BRCC3: variants seen among roughly 807,000 people sequenced by gnomAD.
BRCC3 encodes lys-63-specific deubiquitinase BRCC36.
A neutral mutation model predicts 28.0 loss-of-function variants in BRCC3; 15 were observed. That is an observed-to-expected ratio of 0.54 (90% CI 0.36 to 0.82). The LOEUF (loss-of-function observed/expected upper bound fraction) is 0.82, where lower values mean the gene tolerates loss of function less well. Ranked by LOEUF, BRCC3 falls within the 40% of genes least tolerant of loss-of-function variation. The probability of loss-of-function intolerance (pLI) is 0.01; values close to 1 mark genes in which losing one functional copy is unlikely to be tolerated. For missense variants in BRCC3, 109 were observed against 225.9 expected, an observed-to-expected ratio of 0.48 and a Z score of 3.32; for synonymous variants, 66 against 80.3, an observed-to-expected ratio of 0.82 and a Z score of 0.95.
At chrX:155,090,962 A>G in intron 7 of BRCC3, 123 bp downstream of exon 7, 1 of 530,225 alleles carries the variant, frequency 1.9e-6, no homozygotes, top group South Asian at 3.1e-5. Flanking sequence ...TTTTATTTAT[A>G]CTCATTTACA....
chrX:155,104,694 T>C (rs1461402072), intron 7 of BRCC3, among the ~76,000 whole-genome samples: 4 of 113,082 alleles, frequency 3.5e-5, no homozygotes, highest in Non-Finnish European at 7.5e-5. Context: ...GGGGTTCTCC[T>C]TGTGCTTCAG....
intron 10 of BRCC3, 91 bp downstream of exon 10, chrX:155,120,259 C>A: frequency 4.5e-6 from 3 of 672,624 alleles, no homozygotes; most frequent in Admixed American, 5.5e-5. Context: ...AGTTATTTTT[C>A]ACATGCAATC....
Position 155,116,076 on chromosome X carries a change from C to G in BRCC3, c.568C>G (p.Pro190Ala). ...TCACAGGTATGAGAGAATCGAAATC[C>G]CAATCCATATTGTACCTCATGTCAC... ...KSSEYERIEIPIHIVPHVTIG... is the reference protein window; with the variant it reads ...KSSEYERIEIAIHIVPHVTIG... Residue 190 changes from proline to alanine, a missense_variant, in exon 8 of 11, where the codon CCA becomes GCA. Around this residue, in one of 3 missense-constraint regions of BRCC3, gnomAD observed 50 missense variants for 115.2 expected, o/e 0.43. Transcript: ENST00000330045. 1 of 1,208,319 alleles carries G rather than the reference C, an allele frequency of 8.3e-7. No homozygotes were observed. Among genetic ancestry groups the G allele is most frequent in the Non-Finnish European group, 1.1e-6 (1 of 893,846 alleles).
chrX:155,085,226 C>G (rs1223354983), intron 5 of BRCC3, among the ~76,000 whole-genome samples: 4 of 112,440 alleles, frequency 3.6e-5, no homozygotes, highest in African/African-American at 9.7e-5. Context: ...AAGAGAATGT[C>G]TATTTCAGGC....
chrX:155,119,806 C>T (rs2074378629), intron 9 of BRCC3, among the ~76,000 whole-genome samples, 193 bp from the exon 10 acceptor site: 2 of 111,844 alleles, frequency 1.8e-5, no homozygotes, highest in South Asian at 7.5e-4. Context: ...TTTCTATGCT[C>T]AGCTCTTCTG....
intron 7 of BRCC3, among the ~76,000 whole-genome samples, chrX:155,103,715 A>C (rs1293286229): frequency 9.0e-6 from 1 of 111,398 alleles, no homozygotes; most frequent in Non-Finnish European, 1.9e-5. Context: ...AAAACTTCAG[A>C]CATTATTTCC....
At chrX:155,113,060 T>A (rs908221095) in intron 7 of BRCC3, among the ~76,000 whole-genome samples, 13 of 106,048 alleles carry the variant, frequency 1.2e-4, no homozygotes, top group Non-Finnish European at 2.5e-4. Context: ...GATATCATAC[T>A]ACTCAAAGTG....
intron 7 of BRCC3, among the ~76,000 whole-genome samples, chrX:155,094,645 C>T (rs1456970723): frequency 9.0e-6 from 1 of 111,689 alleles, no homozygotes; most frequent in Admixed American, 9.5e-5. Context: ...CAATAGACCA[C>T]CGCATAGATC....
chrX:155,095,108 T>C (rs927176458), intron 7 of BRCC3, among the ~76,000 whole-genome samples: 28 of 111,719 alleles, frequency 2.5e-4, no homozygotes, highest in Non-Finnish European at 5.3e-4. Flanking sequence ...AATTCCACAG[T>C]GCTCCAATGG....
intron 1 of BRCC3, 38 bp from the exon 2 acceptor site, chrX:155,072,289 A>T: frequency 9.4e-6 from 11 of 1,167,421 alleles, no homozygotes; most frequent in African/African-American, 1.8e-5. Context: ...AACAAACGTA[A>T]TGTGATCAAT....
At chrX:155,087,280 G>A (rs1157698817) in intron 5 of BRCC3, among the ~76,000 whole-genome samples, 4 of 111,930 alleles carry the variant, frequency 3.6e-5, no homozygotes, top group Non-Finnish European at 7.5e-5. Flanking sequence ...TTCCCACAGG[G>A]GAAGATGGGG....
At chrX:155,089,464 G>C (rs782734628) in intron 6 of BRCC3, 113 bp downstream of exon 6, 68 of 465,138 alleles carry the variant, frequency 1.5e-4, no homozygotes, top group Non-Finnish European at 2.3e-4. Flanking sequence ...GTCAGGAAAG[G>C]TTTCAAGGAA....
intron 3 of BRCC3, among the ~76,000 whole-genome samples, chrX:155,073,881 C>T (rs1207505488): frequency 8.0e-5 from 9 of 111,911 alleles, no homozygotes; most frequent in African/African-American, 2.0e-4. Flanking sequence ...TCTTTTGTGG[C>T]ATGCTCTAGC....
At chrX:155,111,199 GT>G (rs1469352785) in intron 7 of BRCC3, among the ~76,000 whole-genome samples, 3 of 111,522 alleles carry the variant, frequency 2.7e-5, no homozygotes, top group Non-Finnish European at 5.7e-5. Context: ...AGAAGCAAAT[GT>G]AAATTTTACA....
At chrX:155,082,772 A>C (rs782128925) in intron 5 of BRCC3, among the ~76,000 whole-genome samples, 3 of 112,652 alleles carry the variant, frequency 2.7e-5, no homozygotes, top group African/African-American at 9.7e-5. Flanking sequence ...GAACTTATTC[A>C]CATTTTGCCA....
chrX:155,099,365 T>C (rs1427824722), intron 7 of BRCC3: 1 of 1,209,030 alleles, frequency 8.3e-7, no homozygotes, highest in South Asian at 1.8e-5. Flanking sequence ...CACATCTCCA[T>C]TGAGGGCCAG....
intron 3 of BRCC3, among the ~76,000 whole-genome samples, chrX:155,073,669 T>C (rs1180280066): frequency 2.7e-5 from 3 of 111,911 alleles, no homozygotes; most frequent in Non-Finnish European, 5.6e-5. Context: ...CTGCTCTCCT[T>C]GCTGTCACTG....
At chrX:155,095,755 G>A (rs782368930) in intron 7 of BRCC3, among the ~76,000 whole-genome samples, 1 of 111,892 alleles carries the variant, frequency 8.9e-6, no homozygotes, top group African/African-American at 3.2e-5. Flanking sequence ...TCCATTCATG[G>A]TAAGTGCCCT....
chrX:155,077,319 T>A, intron 4 of BRCC3, 30 bp downstream of exon 4: 1 of 1,153,334 alleles, frequency 8.7e-7, no homozygotes, highest in Non-Finnish European at 1.2e-6. Flanking sequence ...GAAGCTTTTA[T>A]GTGCTCTGGG....
Sources: gnomAD v4.1 joint callset for allele counts (sites outside exome capture counted in the v4.1 genomes callset) on GRCh38, gnomAD v4.1.1 for gene constraint, gnomAD v4.1.1 regional missense constraint, MANE v1.5 for transcripts, NCBI Gene and HGNC (gene_info 2026-07-23, HGNC 2026-07-21) for gene names.